The following SETBP1 variants were observed in gnomAD, a reference collection of about 807,000 sequenced individuals.
SETBP1 encodes SET binding protein 1.
A neutral mutation model predicts 101.0 loss-of-function variants in SETBP1; 9 were observed. The ratio of observed to expected loss-of-function variants is 0.09; its 90% CI spans 0.05 to 0.16. The LOEUF (loss-of-function observed/expected upper bound fraction) is 0.16, where lower values mean the gene tolerates loss of function less well. Among genes scored for constraint, SETBP1 ranks in the 10% least tolerant of loss-of-function variants. The probability of loss-of-function intolerance (pLI) is 1.00; values close to 1 mark genes in which losing one functional copy is unlikely to be tolerated. For synonymous variants in SETBP1, 818 were observed against 788.5 expected (o/e 1.04, Z -0.63); for missense variants, 1,858 against 2,033.8 (o/e 0.91, Z 1.66).
At chr18:44,854,883 G>A (rs1055078812) in intron 2 of SETBP1, among the ~76,000 whole-genome samples, 8 of 152,160 alleles carry the variant, frequency 5.3e-5, no homozygotes, top group Non-Finnish European at 1.2e-4. Flanking sequence ...TCACTCTGCT[G>A]TCACCTCCTA....
intron 2 of SETBP1, among the ~76,000 whole-genome samples, chr18:44,755,039 A>C (rs547351518): frequency 6.6e-6 from 1 of 152,212 alleles, no homozygotes; most frequent in Non-Finnish European, 1.5e-5. Flanking sequence ...TAACTCACTG[A>C]AAGATATGAA....
intron 5 of SETBP1, among the ~76,000 whole-genome samples, chr18:45,047,122 C>T (rs1002057387): frequency 2.0e-5 from 3 of 152,128 alleles, no homozygotes; most frequent in Admixed American, 2.0e-4. Context: ...GATAATAACA[C>T]GTTTTATCTT....
intron 4 of SETBP1, among the ~76,000 whole-genome samples, chr18:44,997,314 G>A (rs2072519109): frequency 6.6e-6 from 1 of 152,152 alleles, no homozygotes; most frequent in Non-Finnish European, 1.5e-5. Context: ...GCACTCTCCA[G>A]CAAGCACACA....
intron 4 of SETBP1, among the ~76,000 whole-genome samples, chr18:44,974,477 A>T (rs1372082313): frequency 1.3e-5 from 2 of 152,186 alleles, no homozygotes; most frequent in Non-Finnish European, 2.9e-5. Flanking sequence ...GGAGTCTAGG[A>T]TTATTCACCC....
At chr18:44,778,699 C>A (rs1233630652) in intron 2 of SETBP1, among the ~76,000 whole-genome samples, 1 of 152,144 alleles carries the variant, frequency 6.6e-6, no homozygotes, top group Non-Finnish European at 1.5e-5. Flanking sequence ...TCCTTTTTTG[C>A]ATCTGTTCCT....
At chr18:44,810,118 A>G (rs1048593377) in intron 2 of SETBP1, among the ~76,000 whole-genome samples, 11 of 152,136 alleles carry the variant, frequency 7.2e-5, no homozygotes, top group African/African-American at 2.4e-4. Flanking sequence ...CCTTTTCTTC[A>G]TTTCTCAAAA....
chr18:44,953,113 C>T lies in SETBP1; in HGVS notation c.3773C>T (p.Ser1258Leu), dbSNP rs751384874. The T allele has an allele frequency of 3.1e-6, 5 of 1,614,010 alleles. No homozygotes were observed. Among genetic ancestry groups the T allele is most frequent in the Middle Eastern group, 1.6e-4 (1 of 6,084 alleles). Reference sequence around the variant, plus strand: ...GACTTGAGCAGTGAGCCTGTGGACTCATGCACGAAAAGATACTCTGGCAGT... The same window carrying T: ...GACTTGAGCAGTGAGCCTGTGGACTTATGCACGAAAAGATACTCTGGCAGT... ...KGDLSSEPVD[S>L]CTKRYSGSGG... Residue 1258 changes from serine (S) to leucine (L), a missense_variant, in exon 4 of 6, where the codon TCA (serine) becomes TTA (leucine). Coordinates refer to ENST00000649279, the MANE Select transcript of SETBP1 (RefSeq NM_015559.3).
intron 2 of SETBP1, among the ~76,000 whole-genome samples, chr18:44,711,501 C>T (rs1177994138): frequency 6.9e-6 from 1 of 144,744 alleles, no homozygotes; most frequent in East Asian, 2.1e-4. Flanking sequence ...CCTTCCCTCT[C>T]TCCCTTTCTT....
chr18:44,862,409 A>T (rs762625391), intron 2 of SETBP1, among the ~76,000 whole-genome samples: 21 of 152,262 alleles, frequency 1.4e-4, no homozygotes, highest in Admixed American at 3.3e-4. Flanking sequence ...GGCTGAGAGG[A>T]TTTAGCAAAA....
intron 2 of SETBP1, among the ~76,000 whole-genome samples, chr18:44,738,556 C>A (rs908160888): frequency 6.6e-6 from 1 of 152,090 alleles, no homozygotes; most frequent in Non-Finnish European, 1.5e-5. Context: ...GGCAGATCAC[C>A]TGAGGTTAGG....
intron 2 of SETBP1, among the ~76,000 whole-genome samples, chr18:44,816,236 C>T (rs117642089): frequency 6.6e-6 from 1 of 152,210 alleles, no homozygotes; most frequent in East Asian, 1.9e-4. Flanking sequence ...GGAATCTACT[C>T]ATGGGTGGGA....
At chr18:44,896,259 G>A (rs973066658) in intron 3 of SETBP1, among the ~76,000 whole-genome samples, 3 of 152,146 alleles carry the variant, frequency 2.0e-5, no homozygotes, top group African/African-American at 7.2e-5. Flanking sequence ...TATCATAAAG[G>A]ACTCTCTGAC....
chr18:45,031,317 A>G (rs1208902585), intron 4 of SETBP1, among the ~76,000 whole-genome samples: 2 of 152,130 alleles, frequency 1.3e-5, no homozygotes, highest in Non-Finnish European at 2.9e-5. Context: ...TACCTTTGTC[A>G]TATTCACAGG....
chr18:44,781,085 C>T (rs1465311106), intron 2 of SETBP1, among the ~76,000 whole-genome samples: 2 of 152,046 alleles, frequency 1.3e-5, no homozygotes, highest in South Asian at 2.1e-4. Flanking sequence ...GCTGGGCTGG[C>T]GAGGCAGGTA....
chr18:44,701,613 G>A lies in SETBP1; in HGVS notation c.267G>A (p.Gln89=). The change falls in exon 2 of 6, where the codon CAG becomes CAA. Residue 89 remains glutamine, a synonymous_variant. Coordinates refer to ENST00000649279, the MANE Select transcript of SETBP1 (RefSeq NM_015559.3). The part of the protein sequence containing the change: ...KWVAGDGLEE[Q]EFSIKEANFT... Reference sequence around the variant, plus strand: ...TGGCAGGAGATGGTTTGGAAGAGCAGGAATTTTCTATCAAGGAGGCAAACT... The same window carrying A: ...TGGCAGGAGATGGTTTGGAAGAGCAAGAATTTTCTATCAAGGAGGCAAACT... 1 of 1,614,192 alleles carries A rather than the reference G, an allele frequency of 6.2e-7. No individual in the cohort carries two copies. Among genetic ancestry groups the A allele is most frequent in the Non-Finnish European group, 8.5e-7 (1 of 1,180,042 alleles).
intron 2 of SETBP1, among the ~76,000 whole-genome samples, chr18:44,703,006 C>T (rs891734709): frequency 3.3e-5 from 5 of 152,196 alleles, no homozygotes; most frequent in Non-Finnish European, 5.9e-5. Context: ...GTTCATATTT[C>T]ATTGAATTTA....
chr18:44,772,928 T>C (rs1008177905), intron 2 of SETBP1, among the ~76,000 whole-genome samples: 1 of 152,230 alleles, frequency 6.6e-6, no homozygotes, highest in Non-Finnish European at 1.5e-5. Flanking sequence ...CATATTTTCA[T>C]AATTCAGTTG....
intron 4 of SETBP1, among the ~76,000 whole-genome samples, chr18:44,969,373 T>C (rs954835263): frequency 7.9e-5 from 12 of 152,228 alleles, no homozygotes; most frequent in African/African-American, 2.9e-4. Flanking sequence ...CCCTCAGTTA[T>C]GTCTAATCTT....
chr18:44,711,241 C>G (rs919250812), intron 2 of SETBP1, among the ~76,000 whole-genome samples: 1 of 143,442 alleles, frequency 7.0e-6, no homozygotes, highest in African/African-American at 2.6e-5. Context: ...CCCTCCCTCC[C>G]CTACTCCTCC....
Sources: gnomAD v4.1 joint callset for allele counts (sites outside exome capture counted in the v4.1 genomes callset) on GRCh38, gnomAD v4.1.1 for gene constraint, MANE v1.5 for transcripts, NCBI Gene and HGNC (gene_info 2026-07-23, HGNC 2026-07-21) for gene names.